Variants in C2orf76 observed in about 807,000 individuals in gnomAD.
C2orf76 encodes the protein UPF0538 protein C2orf76.
C2orf76 carries 23 observed loss-of-function variants against 16.9 expected under a neutral mutation model. The observed-to-expected ratio is 1.36, with a 90% CI of 0.98 to 1.93. The LOEUF (loss-of-function observed/expected upper bound fraction) is 1.93, where lower values mean the gene tolerates loss of function less well. Ranked by LOEUF, C2orf76 falls within the 30% of genes most tolerant of loss-of-function variation. The pLI is 0.00. For synonymous variants in C2orf76, 48 were observed against 52.3 expected, an observed-to-expected ratio of 0.92 and a Z score of 0.35; for missense variants, 152 against 152.6, an observed-to-expected ratio of 1.00 and a Z score of 0.02.
At chr2:119,350,288 G>C (rs1472752926) in intron 1 of C2orf76, among the ~76,000 whole-genome samples, 1 of 152,008 alleles carries the variant, frequency 6.6e-6, no homozygotes, top group African/African-American at 2.4e-5. Flanking sequence ...ACAGCAACTT[G>C]ATTCTATTCA....
At chr2:119,348,436 CA>C (rs1274279066) in intron 1 of C2orf76, among the ~76,000 whole-genome samples, 3 of 152,320 alleles carry the variant, frequency 2.0e-5, no homozygotes, top group African/African-American at 7.2e-5. Context: ...CCTGTAATCC[CA>C]GCACTTTGGG....
intron 1 of C2orf76, among the ~76,000 whole-genome samples, chr2:119,350,243 A>ATATTAAT (rs1224130997): frequency 2.0e-5 from 3 of 152,060 alleles, no homozygotes; most frequent in African/African-American, 7.2e-5. Flanking sequence ...ATCAAAATTA[A>ATATTAAT]TATTAATTAT....
At chr2:119,310,075 A>G (rs924884561) in intron 5 of C2orf76, among the ~76,000 whole-genome samples, 2 of 152,226 alleles carry the variant, frequency 1.3e-5, no homozygotes, top group African/African-American at 4.8e-5. Flanking sequence ...TTCTTTCCTC[A>G]CTTATTTGAA....
At chr2:119,354,676 T>C (rs72831216) in intron 1 of C2orf76, among the ~76,000 whole-genome samples, 8,172 of 152,282 alleles carry the variant, frequency 0.054, 278 homozygotes, top group South Asian at 0.11. Context: ...GTTGGTTAAA[T>C]CATCTTTCAC....
chr2:119,325,627 A>G (rs1052322507), intron 2 of C2orf76, among the ~76,000 whole-genome samples: 4 of 152,206 alleles, frequency 2.6e-5, no homozygotes, highest in Admixed American at 6.5e-5. Context: ...CAAAAAAAGG[A>G]AAGAAATGAT....
downstream of C2orf76, among the ~76,000 whole-genome samples, chr2:119,301,317 A>G (rs1197897707): frequency 2.0e-5 from 3 of 152,184 alleles, no homozygotes; most frequent in Admixed American, 2.0e-4. Context: ...CTTAAAGAAG[A>G]CCCTATTAAC....
chr2:119,291,781 T>C, the C2orf76 span, among the ~76,000 whole-genome samples: 7 of 152,132 alleles, frequency 4.6e-5, no homozygotes, highest in African/African-American at 9.7e-5. Flanking sequence ...CTCTGCGCGA[T>C]GGGATTAGTA....
At position 119,331,299 on chromosome 2, in the gene C2orf76, C is replaced by A. The variant is rs1226109838; in HGVS notation, c.133+8528G>T. Among the ~76,000 whole-genome samples the A allele has an allele frequency of 2.6e-5, 4 of 152,196 alleles. No individual in the cohort carries two copies. In the East Asian group the frequency reaches 7.7e-4, roughly 29 times the overall value. ...TTTGCTCTACTACTGCAGCAACACC[C>A]TTCTGGATACTCTGCCCGATAACCT... On this transcript the variant is annotated intron_variant, in intron 2 of 5. Coordinates refer to ENST00000334816, the MANE Select transcript of C2orf76 (RefSeq NM_001322331.2).
At chr2:119,347,118 G>A (rs1680229203) in intron 1 of C2orf76, among the ~76,000 whole-genome samples, 1 of 152,190 alleles carries the variant, frequency 6.6e-6, no homozygotes, top group African/African-American at 2.4e-5. Flanking sequence ...ATCTGGGGCT[G>A]ACAACACCTG....
At chr2:119,333,178 T>C (rs980689409) in intron 2 of C2orf76, among the ~76,000 whole-genome samples, 6 of 152,214 alleles carry the variant, frequency 3.9e-5, no homozygotes, top group Non-Finnish European at 5.9e-5. Context: ...TAATACATTA[T>C]GACTGTGCTG....
intron 2 of C2orf76, among the ~76,000 whole-genome samples, chr2:119,334,204 A>C (rs1356777356): frequency 6.6e-6 from 1 of 152,122 alleles, no homozygotes; most frequent in African/African-American, 2.4e-5. Context: ...CAAAATCAGT[A>C]GTTGCCAAGG....
chr2:119,366,592 T>C (rs980009710), intron 1 of C2orf76, 198 bp downstream of exon 1: 3 of 459,402 alleles, frequency 6.5e-6, no homozygotes, highest in African/African-American at 4.0e-5. Flanking sequence ...CAGAGTTTAC[T>C]TGTCCAGAGA....
intron 1 of C2orf76, among the ~76,000 whole-genome samples, chr2:119,365,572 G>A (rs1022997180): frequency 7.2e-5 from 11 of 152,182 alleles, no homozygotes; most frequent in African/African-American, 2.7e-4. Context: ...GGGGGAAGGT[G>A]TAGGCAGGGC....
the C2orf76 span, among the ~76,000 whole-genome samples, chr2:119,289,202 A>G: frequency 2.6e-5 from 4 of 152,044 alleles, no homozygotes; most frequent in African/African-American, 7.2e-5. Context: ...GGGGGCCTTA[A>G]GGCTGCAGAA....
chr2:119,286,090 G>T, the C2orf76 span, among the ~76,000 whole-genome samples: 6 of 152,178 alleles, frequency 3.9e-5, no homozygotes, highest in African/African-American at 1.4e-4. Context: ...GCTGGGCATA[G>T]TGGTGGGCAC....
intron 2 of C2orf76, among the ~76,000 whole-genome samples, chr2:119,328,619 C>A (rs10167755): frequency 0.022 from 3,329 of 151,996 alleles, 113 homozygotes; most frequent in African/African-American, 0.075. Flanking sequence ...ATTATTATTT[C>A]TTTTATTCTG....
At chr2:119,295,237 G>C in the C2orf76 span, among the ~76,000 whole-genome samples, 1 of 152,046 alleles carries the variant, frequency 6.6e-6, no homozygotes, top group Non-Finnish European at 1.5e-5. Flanking sequence ...AGATAGCTGC[G>C]GTCAGCCAGG....
At chr2:119,355,074 C>T (rs1340625567) in intron 1 of C2orf76, among the ~76,000 whole-genome samples, 1 of 152,244 alleles carries the variant, frequency 6.6e-6, no homozygotes, top group Non-Finnish European at 1.5e-5. Flanking sequence ...TTCGTTTTCT[C>T]TGCTCAAGAT....
chr2:119,288,313 C>T, the C2orf76 span, among the ~76,000 whole-genome samples: 8 of 152,034 alleles, frequency 5.3e-5, no homozygotes, highest in South Asian at 2.1e-4. Flanking sequence ...CCTGCCACTG[C>T]GCCCAGCTAA....
Sources: allele counts gnomAD v4.1 joint callset (sites outside exome capture counted in the v4.1 genomes callset), GRCh38; gene constraint gnomAD v4.1.1; transcripts MANE v1.5; gene names NCBI Gene and HGNC (gene_info 2026-07-23, HGNC 2026-07-21).